The following ARHGAP15 variants were observed in gnomAD, a reference collection of about 807,000 sequenced individuals.
ARHGAP15 encodes Rho GTPase activating protein 15.
ARHGAP15 carries 51 observed loss-of-function variants against 63.7 expected under a neutral mutation model. That is an observed-to-expected ratio of 0.80 (90% CI 0.64 to 1.01). ARHGAP15 has a LOEUF of 1.01. Among genes scored for constraint, ARHGAP15 ranks in the 50% least tolerant of loss-of-function variants. The pLI is 0.00. For missense variants in ARHGAP15, 560 were observed against 564.6 expected (o/e 0.99, Z 0.08); for synonymous variants, 191 against 193.8 (o/e 0.99, Z 0.12).
At chr2:143,409,971 C>T (rs1344272056) in intron 6 of ARHGAP15, among the ~76,000 whole-genome samples, 1 of 151,992 alleles carries the variant, frequency 6.6e-6, no homozygotes, top group Non-Finnish European at 1.5e-5. Context: ...CTTTCTTCCC[C>T]TATTCTAAAA....
At chr2:143,185,722 C>T (rs1055019671) in intron 2 of ARHGAP15, among the ~76,000 whole-genome samples, 3 of 152,110 alleles carry the variant, frequency 2.0e-5, no homozygotes, top group Non-Finnish European at 4.4e-5. Flanking sequence ...TTTGCCAGCA[C>T]CATTAGAAAG....
intron 12 of ARHGAP15, among the ~76,000 whole-genome samples, chr2:143,693,753 A>G (rs1683718180): frequency 6.6e-6 from 1 of 152,230 alleles, no homozygotes; most frequent in African/African-American, 2.4e-5. Context: ...AGCATCTTAT[A>G]AAAGAAATTT....
At chr2:143,418,943 T>C (rs1020491954) in intron 6 of ARHGAP15, among the ~76,000 whole-genome samples, 12 of 152,238 alleles carry the variant, frequency 7.9e-5, no homozygotes, top group African/African-American at 2.9e-4. Context: ...TATGTGCAAA[T>C]TGTGGTATTC....
chr2:143,523,873 G>T (rs1423198806), intron 10 of ARHGAP15, among the ~76,000 whole-genome samples: 1 of 152,024 alleles, frequency 6.6e-6, no homozygotes, highest in African/African-American at 2.4e-5. Context: ...CACTTAAAAA[G>T]GATTAGGAAG....
chr2:143,270,569 C>T (rs950659894), intron 6 of ARHGAP15, among the ~76,000 whole-genome samples: 12 of 152,192 alleles, frequency 7.9e-5, no homozygotes, highest in Non-Finnish European at 1.8e-4. Context: ...TAATGAATTG[C>T]TCTTCTAATG....
At chr2:143,328,793 C>T in intron 6 of ARHGAP15, among the ~76,000 whole-genome samples, 1 of 152,034 alleles carries the variant, frequency 6.6e-6, no homozygotes, top group Admixed American at 6.6e-5. Flanking sequence ...CTATAGTCAA[C>T]AATAATTTAT....
chr2:143,181,238 T>C (rs1470141133), intron 2 of ARHGAP15, among the ~76,000 whole-genome samples: 2 of 152,136 alleles, frequency 1.3e-5, no homozygotes, highest in Admixed American at 6.5e-5. Flanking sequence ...GGCTTTGTTG[T>C]TCCATTTATA....
At chr2:143,168,352 G>GT (rs1204134008) in intron 2 of ARHGAP15, among the ~76,000 whole-genome samples, 1 of 151,868 alleles carries the variant, frequency 6.6e-6, no homozygotes, top group Non-Finnish European at 1.5e-5. Context: ...TGTTTTTCAA[G>GT]TTTTTTTGTA....
At chr2:143,508,038 C>T (rs916843455) in intron 9 of ARHGAP15, among the ~76,000 whole-genome samples, 1 of 149,348 alleles carries the variant, frequency 6.7e-6, no homozygotes, top group Non-Finnish European at 1.5e-5. Flanking sequence ...TCACCCCCCC[C>T]TCCTCCATAA....
chr2:143,150,452 G>A lies in ARHGAP15; in HGVS notation c.-14-5025G>A, dbSNP rs1036827216. On this transcript the variant is annotated intron_variant, in intron 1 of 13. Coordinates refer to ENST00000295095, the MANE Select transcript of ARHGAP15 (RefSeq NM_018460.4). ...CGTAGTTTGAGCAGAGCCAAAGTTC[G>A]TGTTGCTCTTATGAAGTGCATTCTC... is the stretch of plus-strand genomic sequence containing the variant. Among the ~76,000 whole-genome samples the A allele has an allele frequency of 2.6e-5, 4 of 152,068 alleles. No homozygotes were observed. In the East Asian group the frequency reaches 7.8e-4, roughly 30 times the overall value.
chr2:143,211,909 GAAC>G (rs1158655825), intron 3 of ARHGAP15, among the ~76,000 whole-genome samples: 1 of 152,140 alleles, frequency 6.6e-6, no homozygotes, highest in Non-Finnish European at 1.5e-5. Context: ...AAGGGGAAGA[GAAC>G]AATAACTTAA....
chr2:143,280,392 G>A (rs1290925675), intron 6 of ARHGAP15, among the ~76,000 whole-genome samples: 1 of 152,042 alleles, frequency 6.6e-6, no homozygotes, highest in South Asian at 2.1e-4. Flanking sequence ...AAAATCAAGG[G>A]TCAGGTCATT....
chr2:143,502,882 G>A (rs921457496), intron 9 of ARHGAP15, among the ~76,000 whole-genome samples: 4 of 152,130 alleles, frequency 2.6e-5, no homozygotes, highest in Non-Finnish European at 4.4e-5. Flanking sequence ...GCCCGCCCCT[G>A]TGTGTGGATT....
intron 6 of ARHGAP15, among the ~76,000 whole-genome samples, chr2:143,393,814 C>CATA (rs916155210): frequency 4.7e-5 from 7 of 148,394 alleles, no homozygotes; most frequent in African/African-American, 1.7e-4. Flanking sequence ...CCCGTTGGGA[C>CATA]ATAATTAAAA....
chr2:143,532,802 G>T (rs529460933), intron 10 of ARHGAP15, among the ~76,000 whole-genome samples: 1 of 151,816 alleles, frequency 6.6e-6, no homozygotes, highest in Non-Finnish European at 1.5e-5. Context: ...ATATACCAAA[G>T]GATCTATTTT....
At chr2:143,591,598 G>GT (rs200541505) in intron 11 of ARHGAP15, among the ~76,000 whole-genome samples, 9,483 of 143,942 alleles carry the variant, frequency 0.066, 393 homozygotes, top group Non-Finnish European at 0.093. Context: ...GGATAAGTTG[G>GT]TTTTTTTTGT....
chr2:143,330,120 AAAAAAAAAAAACC>A (rs1684465305), intron 6 of ARHGAP15, among the ~76,000 whole-genome samples: 3 of 88,426 alleles, frequency 3.4e-5, no homozygotes, highest in Non-Finnish European at 4.6e-5. Context: ...AAAAAAAAAA[AAAAAAAAAAAACC>A]AAAAACAAAA....
At chr2:143,298,712 A>G (rs1457537125) in intron 6 of ARHGAP15, among the ~76,000 whole-genome samples, 3 of 151,924 alleles carry the variant, frequency 2.0e-5, no homozygotes, top group East Asian at 3.9e-4. Context: ...ATATATGGCA[A>G]TAGTGTCTAT....
At chr2:143,157,896 G>A (rs1231676990) in intron 2 of ARHGAP15, among the ~76,000 whole-genome samples, 2 of 151,832 alleles carry the variant, frequency 1.3e-5, no homozygotes, top group African/African-American at 4.8e-5. Context: ...GAGGTGGGAA[G>A]AGATGGGTAC....
Sources: allele counts gnomAD v4.1 joint callset (sites outside exome capture counted in the v4.1 genomes callset), GRCh38; gene constraint gnomAD v4.1.1; transcripts MANE v1.5; gene names NCBI Gene and HGNC (gene_info 2026-07-23, HGNC 2026-07-21).